DLGAP2: variants seen among roughly 807,000 people sequenced by gnomAD.
DLGAP2 encodes disks large-associated protein 2.
Under a neutral mutation model 100.3 loss-of-function variants are expected in DLGAP2, and 26 were observed. That is an observed-to-expected ratio of 0.26 (90% CI 0.19 to 0.36). The LOEUF (loss-of-function observed/expected upper bound fraction) is 0.36. Among genes scored for constraint, DLGAP2 ranks in the 10% least tolerant of loss-of-function variants. The pLI, the probability that DLGAP2 is intolerant of heterozygous loss-of-function variation, is 1.00. For missense variants in DLGAP2, 1,858 were observed against 1,453.2 expected (o/e 1.28, Z -4.53); for synonymous variants, 886 against 630.1 (o/e 1.41, Z -6.08).
chr8:823,159 A>G (rs891515879), intron 1 of DLGAP2, among the ~76,000 whole-genome samples: 1 of 151,926 alleles, frequency 6.6e-6, no homozygotes, highest in Non-Finnish European at 1.5e-5. Flanking sequence ...CAGAGTTCCG[A>G]TACTTTCTCT....
intron 2 of DLGAP2, among the ~76,000 whole-genome samples, chr8:1,195,055 C>A (rs1025996285): frequency 2.6e-5 from 4 of 152,252 alleles, no homozygotes; most frequent in Non-Finnish European, 4.4e-5. Flanking sequence ...TCAGAGGCGT[C>A]CGCCCCAGCA....
At chr8:936,189 T>A (rs2129004317) in intron 2 of DLGAP2, among the ~76,000 whole-genome samples, 1 of 152,236 alleles carries the variant, frequency 6.6e-6, no homozygotes, top group Non-Finnish European at 1.5e-5. Flanking sequence ...TGAGCCTCTG[T>A]AGGAGTCTGT....
intron 2 of DLGAP2, among the ~76,000 whole-genome samples, chr8:1,075,284 A>C (rs1803571203): frequency 6.6e-6 from 1 of 152,138 alleles, no homozygotes; most frequent in Admixed American, 6.5e-5. Flanking sequence ...AGGGAAGGAA[A>C]AGTTGAGCTG....
rs540423030 is a variant in DLGAP2 at position 1,235,476 on chromosome 8, C to G, written c.74-23375C>G. Reference sequence around the variant, plus strand: ...AGTTCCCTCTCACATGTTGCCGTGTCTAGTTCTCTATCACACATAGCGTCA... The same window carrying G: ...AGTTCCCTCTCACATGTTGCCGTGTGTAGTTCTCTATCACACATAGCGTCA... On this transcript the variant is annotated intron_variant, in intron 2 of 14. Transcript: ENST00000637795. Among the ~76,000 whole-genome samples, 76 of 151,830 alleles carry G rather than the reference C, an allele frequency of 5.0e-4. 4 individuals carry two copies. In the South Asian group the frequency reaches 0.016, roughly 31 times the overall value.
chr8:1,550,302 G>A (rs145044405), intron 5 of DLGAP2, among the ~76,000 whole-genome samples: 20 of 152,306 alleles, frequency 1.3e-4, no homozygotes, highest in South Asian at 1.2e-3. Flanking sequence ...GGCTTTGTGC[G>A]CGGGGCTGCA....
chr8:1,502,337 A>C (rs551121972), intron 4 of DLGAP2, among the ~76,000 whole-genome samples: 1 of 152,354 alleles, frequency 6.6e-6, no homozygotes, highest in East Asian at 1.9e-4. Context: ...TAGCCAGTGC[A>C]TCTATTGCTG....
chr8:1,096,058 C>T (rs1035657110), intron 2 of DLGAP2, among the ~76,000 whole-genome samples: 6 of 152,146 alleles, frequency 3.9e-5, no homozygotes, highest in Admixed American at 2.6e-4. Context: ...TTGTTCAAAA[C>T]GTTTGTTTGT....
intron 2 of DLGAP2, among the ~76,000 whole-genome samples, chr8:1,058,300 G>C (rs1453390692): frequency 2.0e-5 from 3 of 152,158 alleles, no homozygotes; most frequent in African/African-American, 7.2e-5. Flanking sequence ...CACTCACTTG[G>C]CACTGAGAGA....
At chr8:1,002,436 C>A (rs943954353) in intron 2 of DLGAP2, 3 of 152,188 alleles carry the variant, frequency 2.0e-5, no homozygotes, top group Non-Finnish European at 4.4e-5. Flanking sequence ...TAAAAGAAGA[C>A]CAGGTTTTAA....
intron 1 of DLGAP2, among the ~76,000 whole-genome samples, chr8:802,054 A>G (rs79665956): frequency 0.023 from 3,062 of 133,482 alleles, 34 homozygotes; most frequent in East Asian, 0.18. Context: ...GGCCTGGGGA[A>G]CAGTCTGCAC....
intron 2 of DLGAP2, among the ~76,000 whole-genome samples, chr8:1,234,139 G>T (rs1043455440): frequency 6.6e-6 from 1 of 152,222 alleles, no homozygotes; most frequent in Non-Finnish European, 1.5e-5. Flanking sequence ...AAGTTTCAAA[G>T]GCTTCTCCTG....
intron 3 of DLGAP2, among the ~76,000 whole-genome samples, chr8:1,269,142 C>G (rs761106313): frequency 2.6e-5 from 4 of 152,316 alleles, no homozygotes; most frequent in Middle Eastern, 3.4e-3. Context: ...GTGGGCCCGT[C>G]TGCCACCTCT....
intron 3 of DLGAP2, among the ~76,000 whole-genome samples, chr8:1,477,635 T>G (rs891783566): frequency 6.6e-6 from 1 of 152,220 alleles, no homozygotes; most frequent in Non-Finnish European, 1.5e-5. Flanking sequence ...AACAGCCTCC[T>G]TCTGCCCATC....
intron 2 of DLGAP2, among the ~76,000 whole-genome samples, chr8:1,226,511 A>C (rs1391753790): frequency 6.6e-6 from 1 of 152,138 alleles, no homozygotes; most frequent in Non-Finnish European, 1.5e-5. Context: ...ATAAATAGCT[A>C]ATGCATGTGG....
At chr8:866,586 G>A (rs541234216) in intron 1 of DLGAP2, among the ~76,000 whole-genome samples, 6 of 152,136 alleles carry the variant, frequency 3.9e-5, no homozygotes, top group East Asian at 3.9e-4. Context: ...GCTGGGGGTC[G>A]TGTCTCTGTG....
intron 1 of DLGAP2, among the ~76,000 whole-genome samples, chr8:779,841 T>G (rs1821640149): frequency 6.6e-6 from 1 of 151,964 alleles, no homozygotes; most frequent in South Asian, 2.1e-4. Flanking sequence ...TATATTTTAT[T>G]TTTAAAATTT....
At chr8:1,093,107 GCTT>G (rs1804239509) in intron 2 of DLGAP2, among the ~76,000 whole-genome samples, 1 of 152,178 alleles carries the variant, frequency 6.6e-6, no homozygotes. Flanking sequence ...GGGACCGCAC[GCTT>G]CTTCTCTCAC....
intron 2 of DLGAP2, among the ~76,000 whole-genome samples, chr8:1,128,084 C>A (rs966271915): frequency 1.3e-5 from 2 of 152,180 alleles, no homozygotes; most frequent in Admixed American, 6.5e-5. Flanking sequence ...GTGTTGTGTT[C>A]CATGAGGACC....
At chr8:1,053,603 G>A (rs1377951518) in intron 2 of DLGAP2, among the ~76,000 whole-genome samples, 1 of 152,062 alleles carries the variant, frequency 6.6e-6, no homozygotes, top group Non-Finnish European at 1.5e-5. Flanking sequence ...GCAGAGGCCC[G>A]ATAACTGCGA....
Sources: gnomAD v4.1 joint callset for allele counts (sites outside exome capture counted in the v4.1 genomes callset) on GRCh38, gnomAD v4.1.1 for gene constraint, MANE v1.5 for transcripts, NCBI Gene and HGNC (gene_info 2026-07-23, HGNC 2026-07-21) for gene names.